OSBPL10: variants seen among roughly 807,000 people sequenced by gnomAD.
The protein encoded by OSBPL10 is oxysterol-binding protein-related protein 10.
OSBPL10 carries 49 observed loss-of-function variants against 81.7 expected under a neutral mutation model. The observed-to-expected ratio is 0.60, with a 90% CI of 0.48 to 0.76. The LOEUF is 0.76. Ranked by LOEUF, OSBPL10 falls within the 30% of genes least tolerant of loss-of-function variation. The probability of loss-of-function intolerance (pLI) is 0.00; values close to 1 mark genes in which losing one functional copy is unlikely to be tolerated. For synonymous variants in OSBPL10, 419 were observed against 383.6 expected, an observed-to-expected ratio of 1.09 and a Z score of -1.08; for missense variants, 923 against 987.8, an observed-to-expected ratio of 0.93 and a Z score of 0.88.
At chr3:31,723,922 G>A (rs745534901) in intron 6 of OSBPL10, among the ~76,000 whole-genome samples, 2 of 152,136 alleles carry the variant, frequency 1.3e-5, no homozygotes, top group Non-Finnish European at 2.9e-5. Flanking sequence ...CCAGGCAGAT[G>A]GTGAAAAGCT....
intron 6 of OSBPL10, among the ~76,000 whole-genome samples, chr3:31,725,508 T>C (rs1424597073): frequency 6.6e-6 from 1 of 152,172 alleles, no homozygotes; most frequent in African/African-American, 2.4e-5. Context: ...TTCTAAAAGA[T>C]TATAATAAGA....
rs549217792 is a variant in OSBPL10, at chr3:31,900,658, A to T, written c.282-20828T>A. On this transcript the variant is annotated intron_variant, in intron 1 of 11. Transcript: ENST00000396556. ...AGGGAGTTTTAGATATTTATTTTGT[A>T]CTTTTGCCATTCCACTGATTGCATC... Among the ~76,000 whole-genome samples, 4 of 152,298 alleles carry T rather than the reference A, an allele frequency of 2.6e-5. No individual in the cohort carries two copies. In the East Asian group the frequency reaches 7.7e-4, roughly 29 times the overall value.
intron 7 of OSBPL10, among the ~76,000 whole-genome samples, chr3:31,695,743 G>A (rs978895923): frequency 6.6e-6 from 1 of 152,120 alleles, no homozygotes; most frequent in Non-Finnish European, 1.5e-5. Context: ...CCTCCTACCT[G>A]CTTCCTCTCT....
At chr3:31,915,516 C>G (rs1228118752) in intron 1 of OSBPL10, among the ~76,000 whole-genome samples, 1 of 152,098 alleles carries the variant, frequency 6.6e-6, no homozygotes, top group African/African-American at 2.4e-5. Context: ...AACAGAAAAC[C>G]AAATGCCGCA....
At chr3:31,995,646 C>T (rs1454372463) in intron 2 of OSBPL10, among the ~76,000 whole-genome samples, 2 of 151,994 alleles carry the variant, frequency 1.3e-5, no homozygotes, top group Non-Finnish European at 2.9e-5. Context: ...CCTCAGCTTA[C>T]GAAGATAACA....
chr3:32,077,157 A>G (rs1391533466), intron 1 of OSBPL10, among the ~76,000 whole-genome samples: 1 of 152,226 alleles, frequency 6.6e-6, no homozygotes, highest in African/African-American at 2.4e-5. Context: ...TCCCAAAGTT[A>G]GTTCAGCCTA....
intron 1 of OSBPL10, among the ~76,000 whole-genome samples, chr3:31,968,838 T>C (rs1158397074): frequency 6.6e-6 from 1 of 152,076 alleles, no homozygotes; most frequent in Non-Finnish European, 1.5e-5. Flanking sequence ...AGACTTCTCA[T>C]AAAAAGAAAA....
At chr3:31,719,800 C>A (rs1365949728) in intron 6 of OSBPL10, among the ~76,000 whole-genome samples, 1 of 151,928 alleles carries the variant, frequency 6.6e-6, no homozygotes, top group Non-Finnish European at 1.5e-5. Flanking sequence ...AAAAACTGGA[C>A]AACCTAAATG....
At chr3:31,977,087 C>T (rs1418255715) in intron 1 of OSBPL10, among the ~76,000 whole-genome samples, 1 of 152,138 alleles carries the variant, frequency 6.6e-6, no homozygotes, top group Non-Finnish European at 1.5e-5. Context: ...TCAAACTGAA[C>T]ACAGTCCAAA....
At chr3:31,669,768 T>C (rs1172360397) in intron 9 of OSBPL10, among the ~76,000 whole-genome samples, 2 of 152,106 alleles carry the variant, frequency 1.3e-5, no homozygotes, top group African/African-American at 4.8e-5. Context: ...AAAGCAGCCA[T>C]GTGTAGGATC....
At chr3:32,069,921 G>A (rs1699813289) in intron 1 of OSBPL10, among the ~76,000 whole-genome samples, 1 of 152,192 alleles carries the variant, frequency 6.6e-6, no homozygotes, top group African/African-American at 2.4e-5. Context: ...CGCAGCCCAG[G>A]ATTCTTCCTA....
chr3:31,717,703 G>T (rs1696489388), intron 6 of OSBPL10, among the ~76,000 whole-genome samples: 1 of 152,190 alleles, frequency 6.6e-6, no homozygotes, highest in African/African-American at 2.4e-5. Flanking sequence ...GATATTAAAA[G>T]AAGGTTTCCC....
intron 5 of OSBPL10, among the ~76,000 whole-genome samples, chr3:31,739,977 T>C (rs1301893735): frequency 1.3e-5 from 2 of 152,210 alleles, no homozygotes; most frequent in African/African-American, 4.8e-5. Context: ...CTTTTGAATT[T>C]TGCACTCAAG....
intron 2 of OSBPL10, among the ~76,000 whole-genome samples, chr3:32,017,236 T>C (rs1266163515): frequency 6.6e-6 from 1 of 152,180 alleles, no homozygotes; most frequent in Admixed American, 6.6e-5. Context: ...ATTTTAAAGA[T>C]GAGGAAATAA....
At chr3:31,823,636 T>C (rs1211532843) in intron 4 of OSBPL10, among the ~76,000 whole-genome samples, 1 of 152,212 alleles carries the variant, frequency 6.6e-6, no homozygotes, top group African/African-American at 2.4e-5. Context: ...GAATAAATTC[T>C]AAAATACTTT....
intron 3 of OSBPL10, among the ~76,000 whole-genome samples, chr3:31,852,035 C>T (rs1391691067): frequency 6.6e-6 from 1 of 152,164 alleles, no homozygotes; most frequent in African/African-American, 2.4e-5. Context: ...AAACACCATT[C>T]CCAGCAGCTG....
intron 6 of OSBPL10, among the ~76,000 whole-genome samples, chr3:31,715,991 C>G (rs1696420164): frequency 6.6e-6 from 1 of 152,200 alleles, no homozygotes. Context: ...AACTCTACGG[C>G]AGGGACAGCA....
At chr3:31,843,148 C>T (rs759968077) in intron 3 of OSBPL10, among the ~76,000 whole-genome samples, 1 of 152,218 alleles carries the variant, frequency 6.6e-6, no homozygotes, top group African/African-American at 2.4e-5. Flanking sequence ...ACCTGGGACT[C>T]TTCTACAGAA....
intron 6 of OSBPL10, chr3:31,708,716 G>A (rs993983036): frequency 1.0e-6 from 1 of 984,760 alleles, no homozygotes; most frequent in Non-Finnish European, 1.2e-6. Flanking sequence ...TGAACCTACT[G>A]TCCTTCCCAC....
Sources: allele counts gnomAD v4.1 joint callset (sites outside exome capture counted in the v4.1 genomes callset), GRCh38; gene constraint gnomAD v4.1.1; transcripts MANE v1.5; gene names NCBI Gene and HGNC (gene_info 2026-07-23, HGNC 2026-07-21).